FAM227B: variants seen among roughly 807,000 people sequenced by gnomAD.
The protein encoded by FAM227B is protein FAM227B.
Under a neutral mutation model 73.8 loss-of-function variants are expected in FAM227B, and 88 were observed. That is an observed-to-expected ratio of 1.19 (90% CI 1.00 to 1.42). The LOEUF (loss-of-function observed/expected upper bound fraction) is 1.42, where lower values mean the gene tolerates loss of function less well. FAM227B is among the 40% of genes most tolerant of loss of function. The pLI is 0.00. For missense variants in FAM227B, 632 were observed against 590.9 expected (o/e 1.07, Z -0.72); for synonymous variants, 210 against 190.5 (o/e 1.10, Z -0.84).
chr15:49,379,899 C>T (rs1190116099), intron 11 of FAM227B, among the ~76,000 whole-genome samples: 2 of 152,166 alleles, frequency 1.3e-5, no homozygotes, highest in African/African-American at 2.4e-5. Context: ...TGGCTACTGC[C>T]TATGTTTGCT....
chr15:49,565,456 A>G (rs1369336047), intron 9 of FAM227B, among the ~76,000 whole-genome samples: 1 of 152,072 alleles, frequency 6.6e-6, no homozygotes, highest in Admixed American at 6.6e-5. Context: ...TCAAATCCCT[A>G]AACTATTAAA....
At chr15:49,372,444 CT>C (rs969893834) in intron 11 of FAM227B, among the ~76,000 whole-genome samples, 1 of 152,134 alleles carries the variant, frequency 6.6e-6, no homozygotes, top group Non-Finnish European at 1.5e-5. Context: ...TAAATTGGGT[CT>C]TTTGCTTCTA....
Position 49,541,810 on chromosome 15 carries a change from C to T in FAM227B, c.748-4G>A. 7.2e-7 allele frequency: 1 copy of T among 1,397,778 alleles called. No individual in the cohort carries two copies. The highest frequency in any genetic ancestry group is 9.3e-7 in the Non-Finnish European group (1 of 1,070,092). The allele number at this position is 1,397,778 out of a possible 1,614,324, so 86.6% of individuals were successfully genotyped here. A position where few individuals can be genotyped will look rare whatever the true frequency, so the allele number is the denominator to read the frequency against. On this transcript the variant is annotated splice_polypyrimidine_tract_variant and splice_region_variant and intron_variant, in intron 9 of 15. Coordinates refer to ENST00000299338, the MANE Select transcript of FAM227B (RefSeq NM_152647.3). ...GTGCCAAACAATCAGGATATATCTA[C>T]CAAAATAAAATCAAATTAGATTAAT...
At chr15:49,539,971 G>A (rs1277290614) in intron 10 of FAM227B, among the ~76,000 whole-genome samples, 1 of 152,220 alleles carries the variant, frequency 6.6e-6, no homozygotes, top group African/African-American at 2.4e-5. Context: ...AAGAGTGTCT[G>A]TGGCTCTGGA....
At chr15:49,496,815 T>G (rs904429637) in intron 11 of FAM227B, among the ~76,000 whole-genome samples, 3 of 152,182 alleles carry the variant, frequency 2.0e-5, no homozygotes, top group Non-Finnish European at 4.4e-5. Context: ...TTCTTTTAAG[T>G]CATATATATG....
rs750823699 is a variant in FAM227B, at chr15:49,327,978, T to A, written c.*590A>T. ...AAGTTTGGGGCTCAAGGGTCACGACTTACTGGAGCAGGATGGGGAGGCTGC... is the reference window on the plus strand; with the variant it reads ...AAGTTTGGGGCTCAAGGGTCACGACATACTGGAGCAGGATGGGGAGGCTGC... On this transcript the variant is annotated 3_prime_UTR_variant, in exon 16 of 16. Coordinates refer to ENST00000299338, the MANE Select transcript of FAM227B (RefSeq NM_152647.3). 1 of 1,613,714 alleles carries A rather than the reference T, an allele frequency of 6.2e-7. No homozygotes were observed. Among genetic ancestry groups the A allele is most frequent in the East Asian group, 2.2e-5 (1 of 44,888 alleles).
chr15:49,330,831 G>C (rs1345041346), intron 15 of FAM227B: 1 of 152,152 alleles, frequency 6.6e-6, no homozygotes, highest in African/African-American at 2.4e-5. Context: ...GCATGTGCCT[G>C]CTGTCCCAGC....
intron 3 of FAM227B, among the ~76,000 whole-genome samples, chr15:49,602,379 A>C (rs979526652): frequency 6.6e-6 from 1 of 152,134 alleles, no homozygotes; most frequent in Non-Finnish European, 1.5e-5. Context: ...TTAGATTTGC[A>C]TTTCTCTGAT....
intron 3 of FAM227B, among the ~76,000 whole-genome samples, chr15:49,610,373 TAAG>T (rs953958331): frequency 1.1e-4 from 16 of 140,430 alleles, no homozygotes; most frequent in Admixed American, 6.0e-4. Flanking sequence ...CTTTTATGAC[TAAG>T]AATGTTTTCA....
chr15:49,541,726 A>C lies in FAM227B; in HGVS notation c.828T>G (p.Asp276Glu). The change falls in exon 10 of 16, where the codon GAT (aspartate) becomes GAG (glutamate). Residue 276 changes from aspartate to glutamate, a missense_variant. Coordinates refer to ENST00000299338, the MANE Select transcript of FAM227B (RefSeq NM_152647.3). ...AFPESSYLFN[D>E]EFKEDLGNNI... ...TATTCCCTAGATCTTCTTTAAATTCATCATTAAAGAGGTAACTCGATTCTG... is the reference window on the plus strand; with the variant it reads ...TATTCCCTAGATCTTCTTTAAATTCCTCATTAAAGAGGTAACTCGATTCTG... 3.3e-6 allele frequency: 5 copies of C among 1,535,764 alleles called. No individual in the cohort carries two copies. The highest frequency in any genetic ancestry group is 4.4e-6 in the Non-Finnish European group (5 of 1,141,516).
chr15:49,583,719 G>A (rs988799620), intron 5 of FAM227B, among the ~76,000 whole-genome samples: 2 of 150,592 alleles, frequency 1.3e-5, no homozygotes, highest in Non-Finnish European at 2.9e-5. Flanking sequence ...AACCATCGGA[G>A]AATACTATAA....
At chr15:49,459,407 C>T (rs898107721) in intron 11 of FAM227B, among the ~76,000 whole-genome samples, 1 of 152,134 alleles carries the variant, frequency 6.6e-6, no homozygotes, top group Admixed American at 6.6e-5. Flanking sequence ...TTCTGAACCT[C>T]CTAGTCCATG....
intron 5 of FAM227B, among the ~76,000 whole-genome samples, chr15:49,586,818 G>A (rs758760324): frequency 2.0e-5 from 3 of 151,768 alleles, no homozygotes; most frequent in Admixed American, 6.6e-5. Context: ...AATCAAAACC[G>A]CAATGAGATA....
At position 49,508,339 on chromosome 15, in the gene FAM227B, G is replaced by A; in HGVS notation, c.884C>T (p.Pro295Leu). The change falls in exon 11 of 16, where the codon CCT (proline) becomes CTT (leucine). Residue 295 changes from proline to leucine, a missense_variant. Pro to Leu is a moderately conservative substitution (Grantham distance 98, BLOSUM62 -3). Transcript: ENST00000299338. Reference sequence around the variant, plus strand: ...CCAGTGGATCCAAAAGCCTTTTTGAGGTTTTAAACCTGTTAATATAAAATA... The same window carrying A: ...CCAGTGGATCCAAAAGCCTTTTTGAAGTTTTAAACCTGTTAATATAAAATA... ...NIFLWCSGLK[P>L]QKGFWIHWKL... is the part of the protein sequence containing the mutation. 1 of 1,595,272 alleles carries A rather than the reference G, an allele frequency of 6.3e-7. No individual in the cohort carries two copies. Among genetic ancestry groups the A allele is most frequent in the African/African-American group, 1.4e-5 (1 of 73,514 alleles).
At chr15:49,469,673 AG>A (rs1474194120) in intron 11 of FAM227B, among the ~76,000 whole-genome samples, 1 of 152,152 alleles carries the variant, frequency 6.6e-6, no homozygotes, top group Non-Finnish European at 1.5e-5. Context: ...AAAGTAGCCA[AG>A]GAACTTCATT....
intron 13 of FAM227B, among the ~76,000 whole-genome samples, chr15:49,362,790 T>G (rs987019196): frequency 1.3e-5 from 2 of 152,178 alleles, no homozygotes; most frequent in African/African-American, 2.4e-5. Context: ...CCATCTTAAG[T>G]TGATTTTTGT....
At chr15:49,332,900 G>A (rs549597826) in intron 14 of FAM227B, among the ~76,000 whole-genome samples, 282 of 152,184 alleles carry the variant, frequency 1.9e-3, no homozygotes, top group Non-Finnish European at 2.5e-3. Flanking sequence ...ACTGGTACAT[G>A]CCCCCTCACT....
intron 13 of FAM227B, among the ~76,000 whole-genome samples, chr15:49,345,541 T>C (rs964698049): frequency 3.9e-5 from 6 of 152,242 alleles, no homozygotes; most frequent in African/African-American, 7.2e-5. Flanking sequence ...TTAGACCATA[T>C]ACATTATGAA....
At chr15:49,444,923 C>T (rs2052043445) in intron 11 of FAM227B, among the ~76,000 whole-genome samples, 1 of 151,458 alleles carries the variant, frequency 6.6e-6, no homozygotes, top group Non-Finnish European at 1.5e-5. Context: ...TAATTAGAAG[C>T]TTTGTGTGTA....
Sources: allele counts gnomAD v4.1 joint callset (sites outside exome capture counted in the v4.1 genomes callset), GRCh38; gene constraint gnomAD v4.1.1; transcripts MANE v1.5; gene names NCBI Gene and HGNC (gene_info 2026-07-23, HGNC 2026-07-21).